The following SMCHD1 variants were observed in gnomAD, a reference collection of about 807,000 sequenced individuals.
SMCHD1 encodes the protein structural maintenance of chromosomes flexible hinge domain containing 1.
Under a neutral mutation model 254.7 loss-of-function variants are expected in SMCHD1, and 78 were observed. That is an observed-to-expected ratio of 0.31 (90% CI 0.26 to 0.37). SMCHD1 has a LOEUF of 0.37. Among genes scored for constraint, SMCHD1 ranks in the 10% least tolerant of loss-of-function variants. The pLI, the probability that SMCHD1 is intolerant of heterozygous loss-of-function variation, is 1.00. For synonymous variants in SMCHD1, 766 were observed against 794.9 expected, an observed-to-expected ratio of 0.96 and a Z score of 0.61; for missense variants, 1,840 against 2,408.1, an observed-to-expected ratio of 0.76 and a Z score of 4.94.
intron 28 of SMCHD1, among the ~76,000 whole-genome samples, chr18:2,742,663 C>T (rs939943207): frequency 2.0e-5 from 3 of 152,032 alleles, no homozygotes; most frequent in African/African-American, 7.2e-5. Context: ...ATGAAGTTTT[C>T]TCTCTGATTT....
chr18:2,689,367 G>A (rs997851256), intron 7 of SMCHD1, among the ~76,000 whole-genome samples: 65 of 151,454 alleles, frequency 4.3e-4, no homozygotes, highest in African/African-American at 1.5e-3. Flanking sequence ...ACAGGTGCCT[G>A]CCACCATGCC....
At chr18:2,737,130 C>A (rs151048909) in intron 25 of SMCHD1, among the ~76,000 whole-genome samples, 2 of 152,148 alleles carry the variant, frequency 1.3e-5, no homozygotes, top group Non-Finnish European at 2.9e-5. Context: ...GAACAGGAAC[C>A]CAAATACTGA....
intron 25 of SMCHD1, among the ~76,000 whole-genome samples, chr18:2,735,017 C>G (rs1340007569): frequency 6.6e-6 from 1 of 151,652 alleles, no homozygotes; most frequent in African/African-American, 2.4e-5. Flanking sequence ...TTGCAGTGAG[C>G]CAAGATTGCG....
At chr18:2,661,570 C>CTG (rs111373683) in intron 1 of SMCHD1, among the ~76,000 whole-genome samples, 25,113 of 147,376 alleles carry the variant, frequency 0.17, 5,415 homozygotes, top group African/African-American at 0.53. Context: ...GATTAAACAT[C>CTG]TGGGTTTTTA....
intron 39 of SMCHD1, among the ~76,000 whole-genome samples, chr18:2,770,403 C>T (rs564956713): frequency 1.3e-5 from 2 of 152,262 alleles, no homozygotes; most frequent in East Asian, 3.9e-4. Flanking sequence ...TTAGCTCTAG[C>T]TTCTGGCAAA....
chr18:2,776,225 A>T (rs10468730), intron 42 of SMCHD1, among the ~76,000 whole-genome samples: 16,043 of 151,928 alleles, frequency 0.11, 1,237 homozygotes, highest in East Asian at 0.43. Flanking sequence ...ATTTTTTTTT[A>T]AATTTTTTAA....
At chr18:2,784,360 T>G (rs532201429) in intron 44 of SMCHD1, 90 bp from the exon 45 acceptor site, 230 of 1,148,642 alleles carry the variant, frequency 2.0e-4, no homozygotes, top group Admixed American at 3.5e-4. Context: ...ATCCTGTCAT[T>G]TCTAATCTCA....
chr18:2,728,815 A>G (rs996587661), intron 23 of SMCHD1: 6 of 437,138 alleles, frequency 1.4e-5, no homozygotes, highest in South Asian at 4.0e-5. Context: ...TGTGAATAAA[A>G]GTTTACTCAC....
At chr18:2,751,204 A>G (rs1238354262) in intron 32 of SMCHD1, 74 bp from the exon 33 acceptor site, 2 of 753,818 alleles carry the variant, frequency 2.7e-6, no homozygotes, top group Admixed American at 3.1e-5. Context: ...TGTTTGCTTT[A>G]AGGCATACAA....
At chr18:2,657,571 T>C (rs778922834) in intron 1 of SMCHD1, among the ~76,000 whole-genome samples, 13 of 152,246 alleles carry the variant, frequency 8.5e-5, no homozygotes, top group Non-Finnish European at 1.8e-4. Context: ...AATCTTTTAC[T>C]CGCTGTAAAA....
chr18:2,751,168 C>T (rs1354499684), intron 32 of SMCHD1, 110 bp from the exon 33 acceptor site: 1 of 606,868 alleles, frequency 1.6e-6, no homozygotes, highest in Non-Finnish European at 2.8e-6. Context: ...ATTTAAATAA[C>T]GTGTGCTTTA....
chr18:2,785,647 C>CAAAAAAAAAAA (rs1555656125), intron 45 of SMCHD1, among the ~76,000 whole-genome samples: 1 of 12,670 alleles, frequency 7.9e-5, no homozygotes, highest in Admixed American at 1.0e-3. Flanking sequence ...GACTCTGTCT[C>CAAAAAAAAAAA]AAAAAAAAAA....
intron 5 of SMCHD1, among the ~76,000 whole-genome samples, chr18:2,680,179 T>G (rs2073892990): frequency 1.3e-5 from 2 of 152,358 alleles, no homozygotes; most frequent in South Asian, 4.1e-4. Context: ...TGCCACAGTC[T>G]CTACCAACTG....
intron 3 of SMCHD1, among the ~76,000 whole-genome samples, chr18:2,668,912 G>T (rs1213894568): frequency 2.6e-5 from 4 of 151,848 alleles, no homozygotes; most frequent in African/African-American, 9.7e-5. Flanking sequence ...CCATATTCTT[G>T]ATTTTTTTCC....
chr18:2,743,727 C>G, intron 28 of SMCHD1, 34 bp from the exon 29 acceptor site: 2 of 1,525,646 alleles, frequency 1.3e-6, no homozygotes, highest in African/African-American at 1.4e-5. Flanking sequence ...TAAGTGATAC[C>G]CCCTGTCTTT....
At chr18:2,711,136 C>T (rs912218149) in intron 17 of SMCHD1, among the ~76,000 whole-genome samples, 38 of 150,864 alleles carry the variant, frequency 2.5e-4, no homozygotes, top group African/African-American at 8.5e-4. Context: ...TCATTGCACC[C>T]AGCTAATTTT....
intron 47 of SMCHD1, among the ~76,000 whole-genome samples, chr18:2,798,546 C>T (rs1278112747): frequency 6.6e-6 from 1 of 152,132 alleles, no homozygotes; most frequent in African/African-American, 2.4e-5. Context: ...GAACTATCTT[C>T]CAGGTTTCCA....
intron 27 of SMCHD1, among the ~76,000 whole-genome samples, 177 bp from the exon 28 acceptor site, chr18:2,740,514 GCTTATGTAAATT>G (rs1239775789): frequency 6.6e-6 from 1 of 152,010 alleles, no homozygotes; most frequent in African/African-American, 2.4e-5. Flanking sequence ...TTGAAAATAT[GCTTATGTAAATT>G]CTTGATGTTT....
chr18:2,757,787 T>C (rs1242038645), intron 34 of SMCHD1, among the ~76,000 whole-genome samples: 1 of 152,124 alleles, frequency 6.6e-6, no homozygotes, highest in African/African-American at 2.4e-5. Flanking sequence ...TCTCCAAGTA[T>C]GAACGAAGAT....
Sources: gnomAD v4.1 joint callset for allele counts (sites outside exome capture counted in the v4.1 genomes callset) on GRCh38, gnomAD v4.1.1 for gene constraint, MANE v1.5 for transcripts, NCBI Gene and HGNC (gene_info 2026-07-23, HGNC 2026-07-21) for gene names.